The following SLC13A4 variants were observed in gnomAD, a reference collection of about 807,000 sequenced individuals.
SLC13A4 encodes the protein solute carrier family 13 member 4, also known as Na(+)/sulfate cotransporter SUT-1.
Under a neutral mutation model 72.7 loss-of-function variants are expected in SLC13A4, and 28 were observed. That is an observed-to-expected ratio of 0.39 (90% CI 0.29 to 0.53). The LOEUF (loss-of-function observed/expected upper bound fraction) is 0.53, where lower values mean the gene tolerates loss of function less well. SLC13A4 is among the 20% of genes least tolerant of loss of function. SLC13A4 has a pLI of 0.78. For missense variants in SLC13A4, 653 were observed against 788.0 expected (o/e 0.83, Z 2.05); for synonymous variants, 312 against 325.5 (o/e 0.96, Z 0.45).
intron 5 of SLC13A4, chr7:135,703,553 G>A (rs1796089206): frequency 6.5e-6 from 1 of 152,688 alleles, no homozygotes; most frequent in South Asian, 2.1e-4. Context: ...ACACCTCAGG[G>A]GGTGAGTCTC....
intron 13 of SLC13A4, chr7:135,688,861 GT>G (rs1047476894): frequency 2.1e-3 from 309 of 147,864 alleles, no homozygotes; most frequent in African/African-American, 6.9e-3. Context: ...TGTTTTTATT[GT>G]TTTTTTTTTG....
chr7:135,684,246 T>C lies in SLC13A4; in HGVS notation c.1624A>G (p.Ile542Val). The C allele has an allele frequency of 1.2e-6, 2 of 1,607,810 alleles. No homozygotes were observed. The highest frequency in any genetic ancestry group is 1.7e-6 in the Non-Finnish European group (2 of 1,176,486). ...GGGATCAGGGTGTAGAGGGGGTTAA[T>C]GTGCAGCGTTTCAGACTAGAAGAGA... ...ILCSLSETLH[I>V]NPLYTLIPVT... Residue 542 changes from isoleucine to valine, a missense_variant, in exon 15 of 16, where the codon ATT becomes GTT. Coordinates refer to ENST00000682651, the MANE Select transcript of SLC13A4 (RefSeq NM_001318192.2).
chr7:135,685,412 G>T, intron 14 of SLC13A4, 110 bp downstream of exon 14: 1 of 874,112 alleles, frequency 1.1e-6, no homozygotes, highest in Non-Finnish European at 1.8e-6. Context: ...AAGGCTGTGG[G>T]CAGTAACCAG....
chr7:135,684,869 C>A (rs1357946814), intron 14 of SLC13A4, among the ~76,000 whole-genome samples: 1 of 152,108 alleles, frequency 6.6e-6, no homozygotes, highest in Non-Finnish European at 1.5e-5. Context: ...GAGGGGCCTT[C>A]ATTTCCTGGA....
chr7:135,720,302 G>A (rs957500184), intron 2 of SLC13A4, among the ~76,000 whole-genome samples: 2 of 152,020 alleles, frequency 1.3e-5, no homozygotes, highest in African/African-American at 2.4e-5. Context: ...TAATAGTTAC[G>A]GGTTTGAATC....
intron 5 of SLC13A4, chr7:135,704,112 C>T (rs919399661): frequency 1.4e-4 from 22 of 152,338 alleles, no homozygotes; most frequent in African/African-American, 3.9e-4. Context: ...GCCAGAGAGG[C>T]CACAGGGAGG....
At chr7:135,692,157 G>A in intron 11 of SLC13A4, 166 bp downstream of exon 11, 1 of 638,834 alleles carries the variant, frequency 1.6e-6, no homozygotes, top group South Asian at 1.8e-5. Flanking sequence ...GGACTCCAAA[G>A]AGTGTTTTTC....
intron 2 of SLC13A4, among the ~76,000 whole-genome samples, chr7:135,711,963 A>ATTTTTTTTTTTTTTTTTTTTGTT (rs1796313634): frequency 2.1e-5 from 1 of 46,886 alleles, no homozygotes; most frequent in Non-Finnish European, 4.0e-5. Context: ...ATGTTTTTGG[A>ATTTTTTTTTTTTTTTTTTTTGTT]TTTTTTTTTT....
chr7:135,719,185 G>A (rs1796491652), intron 2 of SLC13A4, among the ~76,000 whole-genome samples: 1 of 152,142 alleles, frequency 6.6e-6, no homozygotes, highest in Non-Finnish European at 1.5e-5. Flanking sequence ...CCTCCCAAGC[G>A]ACTGCCTCTG....
chr7:135,686,662 G>A (rs965774812), intron 13 of SLC13A4, among the ~76,000 whole-genome samples: 3 of 152,168 alleles, frequency 2.0e-5, no homozygotes, highest in African/African-American at 4.8e-5. Flanking sequence ...GTGAGCCACC[G>A]CACCTGGCCT....
chr7:135,711,270 GGT>G (rs1340207649), intron 2 of SLC13A4, among the ~76,000 whole-genome samples: 15 of 152,156 alleles, frequency 9.9e-5, no homozygotes, highest in African/African-American at 3.6e-4. Context: ...GTGCGACTGG[GGT>G]GTCTTTCCCC....
Position 135,681,634 on chromosome 7 carries a change from C to T in SLC13A4, c.1813G>A (p.Gly605Arg), listed in dbSNP as rs1795504249. Residue 605 changes from glycine (G) to arginine (R), a missense_variant, in exon 16 of 16, where the codon GGA becomes AGA. Transcript: ENST00000682651. ...GTGTCCAGGTGGAAGAGGCTAACTC[C>T]CCAGGTGTTGATGGCCACCATTACT... The part of the protein sequence containing the change: ...VIVMVAINTW[G>R]VSLFHLDTYP... 1 of 1,614,040 alleles carries T rather than the reference C, an allele frequency of 6.2e-7. No individual in the cohort carries two copies. Among genetic ancestry groups the T allele is most frequent in the African/African-American group, 1.3e-5 (1 of 75,016 alleles).
At chr7:135,702,914 C>T (rs536538166) in intron 5 of SLC13A4, 30 bp from the exon 6 acceptor site, 81 of 1,582,024 alleles carry the variant, frequency 5.1e-5, no homozygotes, top group Middle Eastern at 1.7e-4. Flanking sequence ...ACAGGAGCCA[C>T]GTCAGTGAGG....
intron 2 of SLC13A4, among the ~76,000 whole-genome samples, chr7:135,715,435 G>A (rs972028540): frequency 1.3e-5 from 2 of 151,154 alleles, no homozygotes; most frequent in African/African-American, 4.8e-5. Flanking sequence ...GTGAGCGTGT[G>A]TATGAGTGTG....
chr7:135,682,196 A>G (rs1399084872), intron 15 of SLC13A4, among the ~76,000 whole-genome samples: 1 of 152,156 alleles, frequency 6.6e-6, no homozygotes, highest in Non-Finnish European at 1.5e-5. Context: ...GAAACGGTTT[A>G]GCTGCCTCTG....
chr7:135,686,558 C>A (rs1348970134), intron 13 of SLC13A4, among the ~76,000 whole-genome samples: 1 of 152,090 alleles, frequency 6.6e-6, no homozygotes, highest in Admixed American at 6.6e-5. Flanking sequence ...TTTGTAGAGA[C>A]AGAGTCTTTC....
At chr7:135,723,794 T>C (rs1025978778) in intron 1 of SLC13A4, among the ~76,000 whole-genome samples, 2 of 151,956 alleles carry the variant, frequency 1.3e-5, no homozygotes, top group Non-Finnish European at 2.9e-5. Context: ...GTTTGAGAAA[T>C]GGGAACTGGG....
Position 135,727,555 on chromosome 7 carries a change from T to A in SLC13A4, c.-59A>T. The A allele has an allele frequency of 6.6e-7, 1 of 1,517,600 alleles. No individual in the cohort carries two copies. Among genetic ancestry groups the A allele is most frequent in the Non-Finnish European group, 8.9e-7 (1 of 1,126,620 alleles). 94.0% of individuals were successfully genotyped at this position (1,517,600 alleles called of 1,614,324 possible). Reference sequence around the variant, plus strand: ...CCCGCTCTGCCGGCGAAAGGCTTCCTGCCTGGGCACTGCTCTCTATCCAGA... The same window carrying A: ...CCCGCTCTGCCGGCGAAAGGCTTCCAGCCTGGGCACTGCTCTCTATCCAGA... On this transcript the variant is annotated 5_prime_UTR_variant, in exon 1 of 16. Transcript: ENST00000682651.
rs762157973 is a variant in SLC13A4, at chr7:135,721,349, G to A, written c.228+46C>T. ...CTTCATTGGAGGCTCTCTTTCAGGG[G>A]CCCTGCAGGGACCCAGGCAGGGGGT... is the stretch of plus-strand genomic sequence containing the variant. On this transcript the variant is annotated intron_variant, in intron 2 of 15. Coordinates refer to ENST00000682651, the MANE Select transcript of SLC13A4 (RefSeq NM_001318192.2). 55 of 1,605,150 alleles carry A rather than the reference G, an allele frequency of 3.4e-5. No individual in the cohort carries two copies. In the Admixed American group the frequency reaches 8.7e-4, roughly 25 times the overall value.
Sources: allele counts gnomAD v4.1 joint callset (sites outside exome capture counted in the v4.1 genomes callset), GRCh38; gene constraint gnomAD v4.1.1; transcripts MANE v1.5; gene names NCBI Gene and HGNC (gene_info 2026-07-23, HGNC 2026-07-21).